ARID5A: variants seen among roughly 807,000 people sequenced by gnomAD.
The protein encoded by ARID5A is AT-rich interaction domain 5A, also known as AT-rich interactive domain-containing protein 5A.
ARID5A carries 14 observed loss-of-function variants against 30.5 expected under a neutral mutation model. The observed-to-expected ratio is 0.46, with a 90% CI of 0.30 to 0.72. The LOEUF (loss-of-function observed/expected upper bound fraction) is 0.72, where lower values mean the gene tolerates loss of function less well. Ranked by LOEUF, ARID5A falls within the 30% of genes least tolerant of loss-of-function variation. The probability of loss-of-function intolerance (pLI) is 0.07; values close to 1 mark genes in which losing one functional copy is unlikely to be tolerated. For missense variants in ARID5A, 669 were observed against 786.2 expected, an observed-to-expected ratio of 0.85 and a Z score of 1.78; for synonymous variants, 338 against 340.4, an observed-to-expected ratio of 0.99 and a Z score of 0.08.
In ARID5A at chr2:96,550,419, G is replaced by A; in HGVS notation, c.410+134G>A. ...CGTCCTCAGAGCTGCGGGAGCCCAGGCTGGCTGGGCGCACTCACTGAGGGA... is the reference window on the plus strand; with the variant it reads ...CGTCCTCAGAGCTGCGGGAGCCCAGACTGGCTGGGCGCACTCACTGAGGGA... On this transcript the variant is annotated intron_variant, in intron 5 of 6. Coordinates refer to ENST00000357485, the MANE Select transcript of ARID5A (RefSeq NM_212481.3). The surrounding 1 kb of genome is among the most constrained non-coding windows in gnomAD (Gnocchi z 6.6). The A allele has an allele frequency of 7.0e-7, 1 of 1,428,630 alleles. No individual in the cohort carries two copies. The highest frequency in any genetic ancestry group is 9.2e-7 in the Non-Finnish European group (1 of 1,091,026). 88.5% of individuals were successfully genotyped at this position (1,428,630 alleles called of 1,614,324 possible).
chr2:96,538,626 G>C (rs2104655427), intron 1 of ARID5A, among the ~76,000 whole-genome samples: 1 of 152,350 alleles, frequency 6.6e-6, no homozygotes, highest in East Asian at 1.9e-4. Flanking sequence ...GACTCGGCCT[G>C]GCCGCCGCTC....
chr2:96,540,854 T>C (rs2065832616), intron 1 of ARID5A, among the ~76,000 whole-genome samples: 1 of 152,004 alleles, frequency 6.6e-6, no homozygotes. Context: ...CAAGCAATTC[T>C]CCTGCCTCAG....
At position 96,550,648 on chromosome 2, in the gene ARID5A, A is replaced by G. The variant is rs1432029215; in HGVS notation, c.485A>G (p.Gln162Arg). The G allele has an allele frequency of 1.2e-6, 2 of 1,607,836 alleles. No homozygotes were observed. Among genetic ancestry groups the G allele is most frequent in the South Asian group, 1.1e-5 (1 of 89,620 alleles). ...KPLPTSKPRKQYKMAKENRGD... is the reference protein window; with the variant it reads ...KPLPTSKPRKRYKMAKENRGD... ...CTGCCCACCTCCAAGCCCAGGAAAC[A>G]GTACAAGATGGCTAAGGAGAACAGG... Residue 162 changes from glutamine to arginine, a missense_variant, in exon 6 of 7, where the codon CAG becomes CGG. By Grantham distance (43) the Gln-to-Arg change is conservative. This residue lies in a region of ARID5A where 548 missense variants were observed against 577.4 expected (regional missense o/e 0.95). Coordinates refer to ENST00000357485, the MANE Select transcript of ARID5A (RefSeq NM_212481.3). The surrounding 1 kb of genome is among the most constrained non-coding windows in gnomAD (Gnocchi z 6.6).
chr2:96,547,100 G>A (rs1016258152), intron 1 of ARID5A, among the ~76,000 whole-genome samples: 2 of 152,056 alleles, frequency 1.3e-5, no homozygotes, highest in African/African-American at 2.4e-5. Flanking sequence ...CTGTGTGTGT[G>A]TGTGCATGTA....
At chr2:96,538,975 C>T (rs2065795774) in intron 1 of ARID5A, among the ~76,000 whole-genome samples, 2 of 152,190 alleles carry the variant, frequency 1.3e-5, no homozygotes, top group African/African-American at 4.8e-5. Flanking sequence ...GTCACTGCCC[C>T]TCTCTGGGCA....
Position 96,536,797 on chromosome 2 carries a change from G to C in ARID5A, c.-30G>C, listed in dbSNP as rs1344402824. ...CGGACAGCCGCGCGCTGAGGGTCTC[G>C]GGGCGGGCGCCGCGGGACCTCTCCG... is the stretch of plus-strand genomic sequence containing the variant. On this transcript the variant is annotated 5_prime_UTR_variant, in exon 1 of 7. Transcript: ENST00000357485. 4.9e-6 allele frequency: 6 copies of C among 1,226,888 alleles called. No homozygotes were observed. In the African/African-American group the frequency reaches 6.2e-5, roughly 13 times the overall value. 76.0% of individuals were successfully genotyped at this position (1,226,888 alleles called of 1,614,324 possible).
chr2:96,543,564 G>A (rs2065879713), intron 1 of ARID5A, among the ~76,000 whole-genome samples: 1 of 151,990 alleles, frequency 6.6e-6, no homozygotes, highest in African/African-American at 2.4e-5. Flanking sequence ...TATTGTCATT[G>A]TTTTGGGGTA....
chr2:96,549,222 G>A lies in ARID5A; in HGVS notation c.121-99G>A, dbSNP rs2065982163. 1.3e-6 allele frequency: 2 copies of A among 1,540,466 alleles called. No individual in the cohort carries two copies. The highest frequency in any genetic ancestry group is 2.3e-5 in the East Asian group (1 of 44,218). ...TGTTCTCTGGGAAACTGGGGTTGGG[G>A]TAGGTACCTTATTCCTCCTGCAGCC... On this transcript the variant is annotated intron_variant, in intron 2 of 6. Coordinates refer to ENST00000357485, the MANE Select transcript of ARID5A (RefSeq NM_212481.3). This position sits in a 1 kb window ranked among gnomAD's most constrained non-coding sequence, Gnocchi z 6.1.
intron 1 of ARID5A, among the ~76,000 whole-genome samples, chr2:96,541,949 C>T (rs1573185823): frequency 6.6e-6 from 1 of 152,310 alleles, no homozygotes; most frequent in East Asian, 1.9e-4. Flanking sequence ...GACGGGGCCT[C>T]CAGCTCCATA....
chr2:96,538,311 C>G (rs116661617), intron 1 of ARID5A: 19,733 of 985,492 alleles, frequency 0.02, 254 homozygotes, highest in South Asian at 0.045. Flanking sequence ...TTTAGGACAT[C>G]CCAGAGCCCG....
Position 96,551,156 on chromosome 2 carries a change from G to C in ARID5A, c.628G>C (p.Glu210Gln). The C allele has an allele frequency of 6.2e-7, 1 of 1,613,764 alleles. No individual in the cohort carries two copies. The highest frequency in any genetic ancestry group is 8.5e-7 in the Non-Finnish European group (1 of 1,179,888). ...TGACCCAGCACCACTTCCCAGCCAG[G>C]AGCCCCCCAGGAACAGCACAGAACA... is the stretch of plus-strand genomic sequence containing the variant. ...AADPAPLPSQ[E>Q]PPRNSTEQQG... Residue 210 changes from glutamate (E) to glutamine (Q), a missense_variant, in exon 7 of 7, where the codon GAG becomes CAG. Transcript: ENST00000357485.
At chr2:96,536,898 C>A in intron 1 of ARID5A, 68 bp downstream of exon 1, 3 of 1,223,202 alleles carry the variant, frequency 2.5e-6, no homozygotes, top group African/African-American at 1.6e-5. Flanking sequence ...AAGGTGCCGG[C>A]GCCGGGTCCC....
chr2:96,545,161 T>TC (rs1414759888), intron 1 of ARID5A, among the ~76,000 whole-genome samples: 9 of 147,116 alleles, frequency 6.1e-5, no homozygotes, highest in Admixed American at 2.7e-4. Context: ...TTTTTCTTTT[T>TC]TTTTTTTTTT....
At position 96,552,361 on chromosome 2, in the gene ARID5A, A is replaced by G. The variant is rs745607902; in HGVS notation, c.*48A>G. 13 of 1,611,174 alleles carry G rather than the reference A, an allele frequency of 8.1e-6. No homozygotes were observed. In the Admixed American group the frequency reaches 2.2e-4, roughly 27 times the overall value. Reference sequence around the variant, plus strand: ...ACTGTGGAGTCGACAGGGGCCTACAACAGGCAGGTACTGCTGCCAGGGGGC... The same window carrying G: ...ACTGTGGAGTCGACAGGGGCCTACAGCAGGCAGGTACTGCTGCCAGGGGGC... On this transcript the variant is annotated 3_prime_UTR_variant, in exon 7 of 7. Transcript: ENST00000357485.
At chr2:96,548,256 T>A (rs1317832256) in intron 2 of ARID5A, among the ~76,000 whole-genome samples, 1 of 149,968 alleles carries the variant, frequency 6.7e-6, no homozygotes, top group Admixed American at 6.8e-5. Context: ...AACACTGAAA[T>A]AAACTTGAAT....
At chr2:96,544,644 C>CA (rs2065896513) in intron 1 of ARID5A, among the ~76,000 whole-genome samples, 2 of 152,212 alleles carry the variant, frequency 1.3e-5, no homozygotes, top group African/African-American at 4.8e-5. Flanking sequence ...ATTGACAAGG[C>CA]AACCGGTCAT....
At chr2:96,544,526 G>A (rs1558615714) in intron 1 of ARID5A, among the ~76,000 whole-genome samples, 1 of 152,176 alleles carries the variant, frequency 6.6e-6, no homozygotes, top group Non-Finnish European at 1.5e-5. Flanking sequence ...AAATAACAAA[G>A]CCTGGATGAC....
chr2:96,540,456 T>C (rs1490320822), intron 1 of ARID5A, among the ~76,000 whole-genome samples: 1 of 152,090 alleles, frequency 6.6e-6, no homozygotes, highest in Non-Finnish European at 1.5e-5. Context: ...TTCCCAGCAG[T>C]GAAATGAGGA....
In ARID5A at chr2:96,537,971, G is replaced by T; in HGVS notation, c.4+1141G>T. The stretch of plus-strand genomic sequence containing the variant: ...GGGCTCCTCTGGTGGGAGCCCACAC[G>T]CACGGTGGCGTCACTGCGCCTACAG... On this transcript the variant is annotated intron_variant, in intron 1 of 6. Transcript: ENST00000357485. This position sits in a 1 kb window ranked among gnomAD's most constrained non-coding sequence, Gnocchi z 4.8. The T allele has an allele frequency of 3.0e-6, 3 of 985,482 alleles. No homozygotes were observed. The highest frequency in any genetic ancestry group is 3.6e-6 in the Non-Finnish European group (3 of 829,976). 61.0% of individuals were successfully genotyped at this position (985,482 alleles called of 1,614,324 possible).
Sources: allele counts gnomAD v4.1 joint callset (sites outside exome capture counted in the v4.1 genomes callset), GRCh38; gene constraint gnomAD v4.1.1; regional missense constraint gnomAD v4.1.1; non-coding constraint Gnocchi (gnomAD v3.1); transcripts MANE v1.5; gene names NCBI Gene and HGNC (gene_info 2026-07-23, HGNC 2026-07-21).